CABCOCO1: variants seen among roughly 807,000 people sequenced by gnomAD.
CABCOCO1 encodes the protein ciliary-associated calcium-binding coiled-coil protein 1.
CABCOCO1 carries 28 observed loss-of-function variants against 35.7 expected under a neutral mutation model. The ratio of observed to expected loss-of-function variants is 0.78; its 90% CI spans 0.58 to 1.07. The LOEUF (loss-of-function observed/expected upper bound fraction) is 1.07, where lower values mean the gene tolerates loss of function less well. Ranked by LOEUF, CABCOCO1 falls within the 50% of genes least tolerant of loss-of-function variation. The pLI is 0.00. For synonymous variants in CABCOCO1, 95 were observed against 100.1 expected (o/e 0.95, Z 0.30); for missense variants, 326 against 309.2 (o/e 1.05, Z -0.41).
In CABCOCO1 at chr10:61,672,743, C is replaced by T; in HGVS notation, c.164+8C>T. On this transcript the variant is annotated splice_region_variant and intron_variant, in intron 2 of 7. Transcript: ENST00000648843. Reference sequence around the variant, plus strand: ...CATCGATGGAGTTCAAGAGTAAGCACTTCACTATTACAATCACATGTAGAA... The same window carrying T: ...CATCGATGGAGTTCAAGAGTAAGCATTTCACTATTACAATCACATGTAGAA... 1 of 985,086 alleles carries T rather than the reference C, an allele frequency of 1.0e-6. No individual in the cohort carries two copies. The highest frequency in any genetic ancestry group is 1.7e-5 in the African/African-American group (1 of 57,344). The allele number at this position is 985,086 out of a possible 1,614,324, so 61.0% of individuals were successfully genotyped here.
chr10:61,716,986 T>C (rs1175769662), intron 5 of CABCOCO1, among the ~76,000 whole-genome samples: 2 of 152,014 alleles, frequency 1.3e-5, no homozygotes, highest in African/African-American at 4.8e-5. Flanking sequence ...AGACTCACAT[T>C]GGGGAGAAAA....
intron 1 of CABCOCO1, among the ~76,000 whole-genome samples, chr10:61,666,242 G>A (rs183899537): frequency 6.6e-6 from 1 of 152,214 alleles, no homozygotes; most frequent in Admixed American, 6.5e-5. Flanking sequence ...GAGAAAACTC[G>A]GGGCTCAATT....
intron 2 of CABCOCO1, among the ~76,000 whole-genome samples, chr10:61,675,913 T>C (rs180832150): frequency 6.6e-6 from 1 of 152,178 alleles, no homozygotes; most frequent in East Asian, 1.9e-4. Flanking sequence ...AAAGTTAGAA[T>C]ATACATTCAA....
intron 5 of CABCOCO1, among the ~76,000 whole-genome samples, chr10:61,711,873 G>T (rs937679376): frequency 6.6e-6 from 1 of 151,990 alleles, no homozygotes; most frequent in South Asian, 2.1e-4. Context: ...AAATAAAAAA[G>T]GAATTTAAAA....
In CABCOCO1 at chr10:61,708,613, C is replaced by A. The variant is rs182417239; in HGVS notation, c.552+17992C>A. 1.9e-3 allele frequency among the ~76,000 whole-genome samples: 296 copies of A among 152,130 alleles called. 3 individuals carry two copies. The highest frequency in any genetic ancestry group is 6.7e-3 in the African/African-American group (280 of 41,498). On this transcript the variant is annotated intron_variant, in intron 5 of 7. Coordinates refer to ENST00000648843, the MANE Select transcript of CABCOCO1 (RefSeq NM_001366906.2). The stretch of plus-strand genomic sequence containing the variant: ...ACTTGGTGGAAGGGATGAACAAACT[C>A]CCTTTGGCTTCTTTCATAGGGCATT...
intron 1 of CABCOCO1, among the ~76,000 whole-genome samples, chr10:61,671,615 GC>G (rs987201396): frequency 2.6e-5 from 4 of 151,660 alleles, no homozygotes; most frequent in African/African-American, 9.7e-5. Flanking sequence ...CCTCTTTTAG[GC>G]CCCCATAACA....
At chr10:61,709,483 T>C (rs1019253222) in intron 5 of CABCOCO1, among the ~76,000 whole-genome samples, 4 of 152,016 alleles carry the variant, frequency 2.6e-5, no homozygotes, top group African/African-American at 9.7e-5. Flanking sequence ...CTTTATGCCA[T>C]AGCCATAAAA....
intron 1 of CABCOCO1, among the ~76,000 whole-genome samples, chr10:61,666,703 A>G (rs1839184476): frequency 6.6e-6 from 1 of 151,758 alleles, no homozygotes; most frequent in Admixed American, 6.6e-5. Context: ...GAATTTTTTT[A>G]TATTTGAAAT....
At chr10:61,725,144 CT>C (rs1358227301) in intron 5 of CABCOCO1, among the ~76,000 whole-genome samples, 1 of 152,152 alleles carries the variant, frequency 6.6e-6, no homozygotes, top group Admixed American at 6.5e-5. Context: ...AATAGGAACG[CT>C]TTTACACTGT....
chr10:61,681,339 A>G, intron 3 of CABCOCO1, 27 bp downstream of exon 3: 1 of 1,453,686 alleles, frequency 6.9e-7, no homozygotes, highest in South Asian at 1.2e-5. Context: ...CCTTTGAAGT[A>G]AAACAAATTT....
At chr10:61,668,531 A>T (rs149449778) in intron 1 of CABCOCO1, among the ~76,000 whole-genome samples, 67 of 152,136 alleles carry the variant, frequency 4.4e-4, no homozygotes, top group African/African-American at 1.5e-3. Flanking sequence ...TCCAACCGTG[A>T]TCAATTTTGA....
At chr10:61,764,563 A>T (rs1255225228) in intron 7 of CABCOCO1, among the ~76,000 whole-genome samples, 1 of 152,084 alleles carries the variant, frequency 6.6e-6, no homozygotes, top group East Asian at 1.9e-4. Flanking sequence ...TAGTACCTAG[A>T]TCTTCCCAGT....
chr10:61,679,688 C>T (rs1361989701), intron 2 of CABCOCO1, among the ~76,000 whole-genome samples: 1 of 151,910 alleles, frequency 6.6e-6, no homozygotes, highest in Non-Finnish European at 1.5e-5. Flanking sequence ...AGGTGGTAAA[C>T]AAAGAATATG....
intron 5 of CABCOCO1, among the ~76,000 whole-genome samples, chr10:61,695,572 A>T (rs1840272860): frequency 6.6e-6 from 1 of 152,098 alleles, no homozygotes; most frequent in African/African-American, 2.4e-5. Context: ...ACCTAAGCAT[A>T]TTATAGTAAA....
chr10:61,697,914 A>G (rs1056634278), intron 5 of CABCOCO1, among the ~76,000 whole-genome samples: 3 of 152,114 alleles, frequency 2.0e-5, no homozygotes, highest in African/African-American at 7.2e-5. Context: ...AAATTTCAAT[A>G]TAAACTAGGT....
chr10:61,683,166 C>T (rs1221750767), intron 3 of CABCOCO1, among the ~76,000 whole-genome samples: 1 of 152,126 alleles, frequency 6.6e-6, no homozygotes, highest in African/African-American at 2.4e-5. Flanking sequence ...GCTAGGATTA[C>T]AGGCATTAGC....
intron 2 of CABCOCO1, among the ~76,000 whole-genome samples, chr10:61,676,349 G>T (rs1306961232): frequency 1.3e-5 from 2 of 152,160 alleles, no homozygotes; most frequent in Non-Finnish European, 2.9e-5. Context: ...CTGGCAGTAA[G>T]TATGGATCAT....
rs1839736138 is a variant in CABCOCO1, at chr10:61,680,668, TA to T, written c.165-473del. ...TAATATATATTATGTTATACATGTA[TA>T]ACATATATGTTATACATGTATAACA... On this transcript the variant is annotated intron_variant, in intron 2 of 7. Coordinates refer to ENST00000648843, the MANE Select transcript of CABCOCO1 (RefSeq NM_001366906.2). 2.8e-5 allele frequency among the ~76,000 whole-genome samples: 2 copies of T among 72,126 alleles called. 1 individual carries two copies. Among genetic ancestry groups the T allele is most frequent in the African/African-American group, 8.2e-5 (2 of 24,306 alleles). The allele number at this position is 72,126 out of a possible 152,430, so 47.3% of individuals were successfully genotyped here.
chr10:61,666,969 TATTATATATAAATATA>T (rs1839197084), intron 1 of CABCOCO1, among the ~76,000 whole-genome samples: 1 of 140,652 alleles, frequency 7.1e-6, no homozygotes, highest in Non-Finnish European at 1.5e-5. Flanking sequence ...TATAATTATA[TATTATATATAAATATA>T]ATTATATATT....
Sources: gnomAD v4.1 joint callset for allele counts (sites outside exome capture counted in the v4.1 genomes callset) on GRCh38, gnomAD v4.1.1 for gene constraint, MANE v1.5 for transcripts, NCBI Gene and HGNC (gene_info 2026-07-23, HGNC 2026-07-21) for gene names.